The following GRIA1 variants were observed in gnomAD, a reference collection of about 807,000 sequenced individuals.
The protein encoded by GRIA1 is glutamate receptor 1.
Under a neutral mutation model 99.2 loss-of-function variants are expected in GRIA1, and 31 were observed. That is an observed-to-expected ratio of 0.31 (90% confidence interval 0.23 to 0.42). The LOEUF is 0.42. Among genes scored for constraint, GRIA1 ranks in the 10% least tolerant of loss-of-function variants. The pLI, the probability that GRIA1 is intolerant of heterozygous loss-of-function variation, is 1.00. For synonymous variants in GRIA1, 438 were observed against 432.4 expected (o/e 1.01, Z -0.16); for missense variants, 782 against 1,157.5 (o/e 0.68, Z 4.71).
At chr5:153,536,112 C>A (rs1420616888) in intron 2 of GRIA1, among the ~76,000 whole-genome samples, 2 of 152,190 alleles carry the variant, frequency 1.3e-5, no homozygotes, top group East Asian at 3.8e-4. Context: ...CCTGTCCCAT[C>A]TCAATTGTCC....
chr5:153,683,425 G>A lies in GRIA1; in HGVS notation c.1030-2800G>A, dbSNP rs147460803. 2.4e-3 allele frequency among the ~76,000 whole-genome samples: 371 copies of A among 152,178 alleles called. 1 individual carries two copies. The highest frequency in any genetic ancestry group is 3.4e-3 in the Middle Eastern group (1 of 294). Reference sequence around the variant, plus strand: ...CTTACTGTGAATCCTGGAGTCAAGCGCCATCAGCTCTGAGTCTCAATAATC... The same window carrying A: ...CTTACTGTGAATCCTGGAGTCAAGCACCATCAGCTCTGAGTCTCAATAATC... On this transcript the variant is annotated intron_variant, in intron 7 of 15. Coordinates refer to ENST00000285900, the MANE Select transcript of GRIA1 (RefSeq NM_000827.4).
intron 2 of GRIA1, among the ~76,000 whole-genome samples, chr5:153,629,275 A>G (rs1446808606): frequency 1.3e-5 from 2 of 152,092 alleles, no homozygotes; most frequent in African/African-American, 4.8e-5. Context: ...GTGCTTCCAC[A>G]AGGCATCCTC....
At position 153,764,598 on chromosome 5, in the gene GRIA1, C is replaced by T. The variant is rs752447548; in HGVS notation, c.1988C>T (p.Thr663Met). The T allele has an allele frequency of 1.2e-5, 19 of 1,613,766 alleles. No individual in the cohort carries two copies. Among genetic ancestry groups the T allele is most frequent in the Non-Finnish European group, 1.5e-5 (18 of 1,179,820 alleles). The change falls in exon 12 of 16, where the codon ACG becomes ATG. Residue 663 changes from threonine (T) to methionine (M), a missense_variant. Physicochemically the swap from Thr to Met is moderately conservative, Grantham distance 81 (BLOSUM62 -1). Coordinates refer to ENST00000285900, the MANE Select transcript of GRIA1 (RefSeq NM_000827.4). ...AAGCAGACAGAAATTGCCTACGGGACGCTGGAAGCAGGATCTACTAAGGAG... is the reference window on the plus strand; with the variant it reads ...AAGCAGACAGAAATTGCCTACGGGATGCTGGAAGCAGGATCTACTAAGGAG... Reference protein sequence around the residue: ...LAKQTEIAYGTLEAGSTKEFF... With the variant: ...LAKQTEIAYGMLEAGSTKEFF...
rs372097385 is a variant in GRIA1, at chr5:153,778,424, A to G, written c.2270+8009A>G. Among the ~76,000 whole-genome samples the G allele has an allele frequency of 3.4e-4, 52 of 152,100 alleles. No individual in the cohort carries two copies. In the East Asian group the frequency reaches 7.5e-3, roughly 22 times the overall value. On this transcript the variant is annotated intron_variant, in intron 13 of 15. Transcript: ENST00000285900. ...TAAGACTTGTTGTTAATATTATTGA[A>G]CACTGACTCATCTCAGGCACTCCTA...
At chr5:153,685,558 T>C (rs910603134) in intron 7 of GRIA1, among the ~76,000 whole-genome samples, 9 of 152,192 alleles carry the variant, frequency 5.9e-5, no homozygotes, top group African/African-American at 2.2e-4. Flanking sequence ...TCACACCACT[T>C]TCACATTAGC....
chr5:153,696,060 G>A (rs982507011), intron 8 of GRIA1, among the ~76,000 whole-genome samples: 7 of 152,300 alleles, frequency 4.6e-5, no homozygotes, highest in Non-Finnish European at 7.4e-5. Context: ...TAATGGGAAC[G>A]TACACAAGGT....
intron 8 of GRIA1, among the ~76,000 whole-genome samples, chr5:153,696,776 A>G (rs1463052772): frequency 6.6e-6 from 1 of 152,204 alleles, no homozygotes; most frequent in Non-Finnish European, 1.5e-5. Flanking sequence ...ATGATCACAA[A>G]ACAAAACACA....
chr5:153,638,693 C>A (rs560901758), intron 2 of GRIA1, among the ~76,000 whole-genome samples: 1 of 152,200 alleles, frequency 6.6e-6, no homozygotes, highest in Non-Finnish European at 1.5e-5. Flanking sequence ...ACTTTTTCAG[C>A]TGGGGCTTCC....
chr5:153,501,869 G>T (rs568198592), intron 2 of GRIA1, among the ~76,000 whole-genome samples: 2 of 152,216 alleles, frequency 1.3e-5, no homozygotes, highest in African/African-American at 4.8e-5. Context: ...AACTGGTGAG[G>T]CTGTGTGGAG....
At chr5:153,523,223 A>C in intron 2 of GRIA1, among the ~76,000 whole-genome samples, 1 of 152,160 alleles carries the variant, frequency 6.6e-6, no homozygotes, top group East Asian at 1.9e-4. Context: ...CTTTTCTCTA[A>C]GGCTGTGTTC....
chr5:153,686,426 G>C, intron 8 of GRIA1, 97 bp downstream of exon 8: 1 of 778,338 alleles, frequency 1.3e-6, no homozygotes, highest in Non-Finnish European at 2.1e-6. Context: ...TTCTGGACTG[G>C]ATCTTTGAAG....
intron 11 of GRIA1, among the ~76,000 whole-genome samples, chr5:153,748,667 G>T (rs1762313629): frequency 6.6e-6 from 1 of 152,134 alleles, no homozygotes; most frequent in East Asian, 1.9e-4. Context: ...AAGATGAGGG[G>T]ATGATTGGAC....
chr5:153,680,154 C>A (rs1756869569), intron 7 of GRIA1, among the ~76,000 whole-genome samples: 1 of 152,096 alleles, frequency 6.6e-6, no homozygotes, highest in Non-Finnish European at 1.5e-5. Flanking sequence ...AAGGGCACGG[C>A]CAAACAGGGA....
At chr5:153,792,185 T>C (rs943100010) in intron 13 of GRIA1, among the ~76,000 whole-genome samples, 7 of 152,212 alleles carry the variant, frequency 4.6e-5, no homozygotes, top group African/African-American at 1.7e-4. Context: ...AGACAGTCCC[T>C]TGTTGGACCT....
chr5:153,738,791 C>T lies in GRIA1; in HGVS notation c.1824-25643C>T, dbSNP rs563008209. ...AGGCTGAAATGCAATGGTGCGATCT[C>T]GGCTCACCGCAACCTCCGCCTCCCA... is the stretch of plus-strand genomic sequence containing the variant. On this transcript the variant is annotated intron_variant, in intron 11 of 15. Coordinates refer to ENST00000285900, the MANE Select transcript of GRIA1 (RefSeq NM_000827.4). Among the ~76,000 whole-genome samples the T allele has an allele frequency of 4.9e-5, 7 of 143,152 alleles. No individual in the cohort carries two copies. The South Asian group carries it at 6.8e-4, about 14-fold the overall frequency. 93.9% of individuals were successfully genotyped at this position (143,152 alleles called of 152,430 possible).
intron 11 of GRIA1, among the ~76,000 whole-genome samples, chr5:153,753,127 G>A (rs899431073): frequency 2.0e-5 from 3 of 152,180 alleles, no homozygotes; most frequent in African/African-American, 7.2e-5. Flanking sequence ...TAATGCCTTG[G>A]CTTCAGCCTA....
At chr5:153,556,839 C>G (rs1760690387) in intron 2 of GRIA1, among the ~76,000 whole-genome samples, 1 of 152,190 alleles carries the variant, frequency 6.6e-6, no homozygotes, top group South Asian at 2.1e-4. Context: ...AGAAATGTGT[C>G]AGTGGACAAT....
At chr5:153,743,983 C>A (rs571971676) in intron 11 of GRIA1, among the ~76,000 whole-genome samples, 4 of 152,092 alleles carry the variant, frequency 2.6e-5, no homozygotes, top group African/African-American at 9.7e-5. Flanking sequence ...AATATCATGT[C>A]CCAGCTAGGA....
chr5:153,810,110 C>T (rs1465518709), intron 15 of GRIA1, among the ~76,000 whole-genome samples: 1 of 152,190 alleles, frequency 6.6e-6, no homozygotes, highest in Non-Finnish European at 1.5e-5. Flanking sequence ...TGGTTCTAGA[C>T]CTTTTCTGTG....
Sources: gnomAD v4.1 joint callset for allele counts (sites outside exome capture counted in the v4.1 genomes callset) on GRCh38, gnomAD v4.1.1 for gene constraint, MANE v1.5 for transcripts, NCBI Gene and HGNC (gene_info 2026-07-23, HGNC 2026-07-21) for gene names.